Variants in RALGAPA2 observed in about 807,000 individuals in gnomAD.
RALGAPA2 encodes Ral GTPase activating protein catalytic subunit alpha 2.
In RALGAPA2, 139 loss-of-function variants were observed where a neutral mutation model predicts 230.4. That is an observed-to-expected ratio of 0.60 (90% CI 0.53 to 0.69). The LOEUF (loss-of-function observed/expected upper bound fraction) is 0.69. RALGAPA2 is among the 30% of genes least tolerant of loss of function. The probability of loss-of-function intolerance (pLI) is 0.00; values close to 1 mark genes in which losing one functional copy is unlikely to be tolerated. For synonymous variants in RALGAPA2, 847 were observed against 837.8 expected (o/e 1.01, Z -0.19); for missense variants, 2,163 against 2,276.0 (o/e 0.95, Z 1.01).
chr20:20,624,693 G>A (rs186825901), intron 10 of RALGAPA2, among the ~76,000 whole-genome samples: 31 of 152,204 alleles, frequency 2.0e-4, no homozygotes, highest in Admixed American at 2.0e-3. Context: ...ATTACCATGT[G>A]TAGTTCAAAA....
At chr20:20,681,990 T>C (rs1230003286) in intron 1 of RALGAPA2, among the ~76,000 whole-genome samples, 6 of 152,364 alleles carry the variant, frequency 3.9e-5, no homozygotes, top group Admixed American at 2.6e-4. Context: ...CAATTGCTTT[T>C]GCAGTCCTAA....
intron 23 of RALGAPA2, 70 bp downstream of exon 23, chr20:20,571,382 ATATTAC>A: frequency 7.1e-7 from 1 of 1,411,550 alleles, no homozygotes; most frequent in Non-Finnish European, 9.6e-7. Context: ...ATTTTCATAA[ATATTAC>A]TAATGTCTTT....
chr20:20,602,297 T>C (rs535247403), intron 15 of RALGAPA2, among the ~76,000 whole-genome samples: 1 of 152,350 alleles, frequency 6.6e-6, no homozygotes, highest in South Asian at 2.1e-4. Context: ...TCCATGCCTA[T>C]AAACTCTAAT....
intron 37 of RALGAPA2, among the ~76,000 whole-genome samples, chr20:20,460,605 C>T (rs1251497928): frequency 6.6e-6 from 1 of 152,096 alleles, no homozygotes; most frequent in South Asian, 2.1e-4. Context: ...CAACATGAGA[C>T]GTAGAAAAAG....
chr20:20,463,041 T>C (rs760970023), intron 37 of RALGAPA2, among the ~76,000 whole-genome samples: 6 of 152,332 alleles, frequency 3.9e-5, no homozygotes, highest in Middle Eastern at 3.4e-3. Flanking sequence ...CAATGTGTTA[T>C]TTCAGTCTGT....
chr20:20,439,499 G>A (rs935699111), intron 37 of RALGAPA2, among the ~76,000 whole-genome samples: 4 of 152,072 alleles, frequency 2.6e-5, no homozygotes, highest in African/African-American at 4.8e-5. Context: ...AGGTGTGAGC[G>A]ACCACACCCA....
chr20:20,527,690 A>G (rs1023764736), intron 27 of RALGAPA2, among the ~76,000 whole-genome samples: 1 of 151,930 alleles, frequency 6.6e-6, no homozygotes, highest in Non-Finnish European at 1.5e-5. Context: ...ACAGCATTAC[A>G]GGCTATCAGC....
chr20:20,511,455 G>A (rs1307631333), intron 32 of RALGAPA2, 130 bp from the exon 33 acceptor site: 5 of 1,370,940 alleles, frequency 3.6e-6, no homozygotes, highest in Non-Finnish European at 4.8e-6. Flanking sequence ...ATTTGTGATA[G>A]AAACCTACAG....
intron 24 of RALGAPA2, among the ~76,000 whole-genome samples, chr20:20,540,669 C>T (rs1048052587): frequency 1.3e-5 from 2 of 152,136 alleles, no homozygotes; most frequent in Non-Finnish European, 2.9e-5. Flanking sequence ...CCCATCTTGG[C>T]AACACTTCAT....
intron 36 of RALGAPA2, among the ~76,000 whole-genome samples, chr20:20,489,208 G>A (rs953125692): frequency 5.3e-5 from 8 of 152,224 alleles, no homozygotes; most frequent in Non-Finnish European, 8.8e-5. Flanking sequence ...GGAAGCAGTC[G>A]GACCTATGAG....
rs139320236 is a variant in RALGAPA2, at chr20:20,570,974, T to C, written c.3156+484A>G. 1.6e-3 allele frequency among the ~76,000 whole-genome samples: 246 copies of C among 152,314 alleles called. 1 individual carries two copies. Among genetic ancestry groups the C allele is most frequent in the African/African-American group, 5.7e-3 (236 of 41,574 alleles). On this transcript the variant is annotated intron_variant, in intron 23 of 39. Transcript: ENST00000202677. The stretch of plus-strand genomic sequence containing the variant: ...CTTTCTGTTCGAACTTGAACCAAAC[T>C]TAAATTGCATTGGGAGAAATTAAAA...
intron 20 of RALGAPA2, among the ~76,000 whole-genome samples, chr20:20,575,628 T>C (rs775633813): frequency 1.4e-4 from 22 of 152,132 alleles, no homozygotes; most frequent in Non-Finnish European, 2.6e-4. Context: ...CTTACAGTCT[T>C]CCTGTTTTTA....
chr20:20,628,643 C>T (rs867978442), intron 10 of RALGAPA2, among the ~76,000 whole-genome samples: 21 of 152,264 alleles, frequency 1.4e-4, no homozygotes, highest in Admixed American at 7.2e-4. Context: ...TCCCTGGCTG[C>T]GACCCACTAA....
intron 1 of RALGAPA2, among the ~76,000 whole-genome samples, chr20:20,688,593 C>A (rs2068787441): frequency 6.6e-6 from 1 of 152,178 alleles, no homozygotes; most frequent in Non-Finnish European, 1.5e-5. Context: ...CAGGTAAGGA[C>A]ACCTTGCCCA....
intron 35 of RALGAPA2, among the ~76,000 whole-genome samples, chr20:20,498,655 T>C (rs1280347299): frequency 6.6e-6 from 1 of 152,170 alleles, no homozygotes; most frequent in African/African-American, 2.4e-5. Context: ...AGTGTGCCCA[T>C]CCTAAAATCT....
At chr20:20,563,739 G>C (rs1156244205) in intron 23 of RALGAPA2, among the ~76,000 whole-genome samples, 1 of 151,998 alleles carries the variant, frequency 6.6e-6, no homozygotes, top group Non-Finnish European at 1.5e-5. Context: ...ACAGATAATG[G>C]GAATCGTGCC....
intron 36 of RALGAPA2, among the ~76,000 whole-genome samples, chr20:20,484,700 T>G (rs1376191479): frequency 6.6e-6 from 1 of 152,164 alleles, no homozygotes; most frequent in African/African-American, 2.4e-5. Context: ...ATAATAGATA[T>G]TTTTTGATTA....
rs759996776 is a variant in RALGAPA2 at position 20,653,607 on chromosome 20, A to T, written c.271-20T>A. The stretch of plus-strand genomic sequence containing the variant: ...TATTTTCTATTAAAAAAAGATATAA[A>T]GAAAATAAACAACAAATGAAATTAC... On this transcript the variant is annotated intron_variant, in intron 3 of 39. Transcript: ENST00000202677. The T allele has an allele frequency of 5.4e-5, 73 of 1,359,002 alleles. No homozygotes were observed. The highest frequency in any genetic ancestry group is 6.8e-5 in the Non-Finnish European group (67 of 983,640). The allele number at this position is 1,359,002 out of a possible 1,614,324, so 84.2% of individuals were successfully genotyped here. A position where few individuals can be genotyped will look rare whatever the true frequency, so the allele number is the denominator to read the frequency against.
At position 20,700,850 on chromosome 20, in the gene RALGAPA2, T is replaced by C. The variant is rs1244261865; in HGVS notation, c.106+11525A>G. On this transcript the variant is annotated intron_variant, in intron 1 of 39. Transcript: ENST00000202677. ...ACTCTTAATTCATGATCTTGAATCA[T>C]TAATTTAATGTTGGGAAATTCTGAC... Among the ~76,000 whole-genome samples, 3 of 152,350 alleles carry C rather than the reference T, an allele frequency of 2.0e-5. No individual in the cohort carries two copies. In the East Asian group the frequency reaches 5.8e-4, roughly 29 times the overall value.
Sources: gnomAD v4.1 joint callset for allele counts (sites outside exome capture counted in the v4.1 genomes callset) on GRCh38, gnomAD v4.1.1 for gene constraint, MANE v1.5 for transcripts, NCBI Gene and HGNC (gene_info 2026-07-23, HGNC 2026-07-21) for gene names.